The following RALGAPA2 variants were observed in gnomAD, a reference collection of about 807,000 sequenced individuals.
RALGAPA2 encodes Ral GTPase activating protein catalytic subunit alpha 2, also known as ral GTPase-activating protein subunit alpha-2.
A neutral mutation model predicts 230.4 loss-of-function variants in RALGAPA2; 139 were observed. The observed-to-expected ratio is 0.60, with a 90% CI of 0.53 to 0.69. The LOEUF is 0.69. Among genes scored for constraint, RALGAPA2 ranks in the 30% least tolerant of loss-of-function variants. RALGAPA2 has a pLI of 0.00. For synonymous variants in RALGAPA2, 847 were observed against 837.8 expected (o/e 1.01, Z -0.19); for missense variants, 2,163 against 2,276.0 (o/e 0.95, Z 1.01).
chr20:20,421,323 G>A (rs1190434334), intron 37 of RALGAPA2, among the ~76,000 whole-genome samples: 1 of 152,218 alleles, frequency 6.6e-6, no homozygotes, highest in Non-Finnish European at 1.5e-5. Flanking sequence ...CAGTGAGGAC[G>A]ATGAGAAGAT....
intron 1 of RALGAPA2, among the ~76,000 whole-genome samples, chr20:20,691,580 A>G (rs2068908475): frequency 1.3e-5 from 2 of 152,228 alleles, no homozygotes; most frequent in Non-Finnish European, 2.9e-5. Flanking sequence ...CATCCAGTCC[A>G]ATCAGGCTTT....
At chr20:20,700,645 G>A (rs776734016) in intron 1 of RALGAPA2, among the ~76,000 whole-genome samples, 3 of 152,146 alleles carry the variant, frequency 2.0e-5, no homozygotes, top group Non-Finnish European at 4.4e-5. Flanking sequence ...CAGCTCTCCA[G>A]CATTACTGCC....
At chr20:20,646,593 C>T (rs912334147) in intron 4 of RALGAPA2, among the ~76,000 whole-genome samples, 8 of 152,144 alleles carry the variant, frequency 5.3e-5, no homozygotes, top group African/African-American at 1.9e-4. Flanking sequence ...ACTTTTACTA[C>T]ATTTTAACCA....
chr20:20,615,921 CAA>C (rs778188704), intron 13 of RALGAPA2, 120 bp downstream of exon 13: 172 of 756,272 alleles, frequency 2.3e-4, no homozygotes, highest in Admixed American at 6.9e-4. Context: ...GAAACTGTTA[CAA>C]AAGACATTTT....
intron 20 of RALGAPA2, among the ~76,000 whole-genome samples, chr20:20,573,702 T>C (rs1218070320): frequency 6.6e-6 from 1 of 152,190 alleles, no homozygotes; most frequent in Non-Finnish European, 1.5e-5. Flanking sequence ...AATTCTACAG[T>C]TTGTAGCCTG....
chr20:20,665,328 C>A (rs1418176131), intron 3 of RALGAPA2, among the ~76,000 whole-genome samples: 1 of 152,176 alleles, frequency 6.6e-6, no homozygotes, highest in Non-Finnish European at 1.5e-5. Context: ...GTGTCAGTTA[C>A]CAACACATCA....
rs573539328 is a variant in RALGAPA2, at chr20:20,646,948, T to C, written c.329-3399A>G. The stretch of plus-strand genomic sequence containing the variant: ...ATTAAAGTAGCTTAAAAATGTAAAA[T>C]TGGATGTATTAAAACTCACAGCATT... On this transcript the variant is annotated intron_variant, in intron 4 of 39. Coordinates refer to ENST00000202677, the MANE Select transcript of RALGAPA2 (RefSeq NM_020343.4). Among the ~76,000 whole-genome samples, 3 of 151,984 alleles carry C rather than the reference T, an allele frequency of 2.0e-5. No individual in the cohort carries two copies. In the South Asian group the frequency reaches 6.2e-4, roughly 32 times the overall value.
intron 16 of RALGAPA2, among the ~76,000 whole-genome samples, chr20:20,597,907 A>G (rs2065510040): frequency 6.6e-6 from 1 of 152,190 alleles, no homozygotes; most frequent in Admixed American, 6.5e-5. Flanking sequence ...AATAAAAAAG[A>G]TCATGAAAAT....
intron 1 of RALGAPA2, among the ~76,000 whole-genome samples, chr20:20,692,969 G>A (rs1258695497): frequency 6.6e-6 from 1 of 152,200 alleles, no homozygotes; most frequent in African/African-American, 2.4e-5. Context: ...GCAGACAGCT[G>A]AAATAAAATT....
chr20:20,477,076 G>C lies in RALGAPA2; in HGVS notation c.5368-4120C>G, dbSNP rs1050658346. Among the ~76,000 whole-genome samples the C allele has an allele frequency of 2.6e-5, 4 of 152,192 alleles. No homozygotes were observed. In the East Asian group the frequency reaches 5.8e-4, roughly 22 times the overall value. The stretch of plus-strand genomic sequence containing the variant: ...CCACTTCTTCATTGTATTAGTGATT[G>C]AGATGGGGCACGAGCAAGAATTAGG... On this transcript the variant is annotated intron_variant, in intron 36 of 39. Coordinates refer to ENST00000202677, the MANE Select transcript of RALGAPA2 (RefSeq NM_020343.4).
intron 10 of RALGAPA2, among the ~76,000 whole-genome samples, chr20:20,625,382 C>T (rs1048090162): frequency 2.0e-5 from 3 of 152,140 alleles, no homozygotes; most frequent in African/African-American, 7.2e-5. Context: ...GCTTTCTCCT[C>T]TATAATTACA....
intron 3 of RALGAPA2, among the ~76,000 whole-genome samples, chr20:20,672,398 A>G (rs1463018805): frequency 2.0e-5 from 3 of 152,258 alleles, no homozygotes; most frequent in Non-Finnish European, 4.4e-5. Context: ...ATGAAATATT[A>G]CACAGTAAAT....
At chr20:20,529,790 T>C (rs1186734098) in intron 27 of RALGAPA2, among the ~76,000 whole-genome samples, 1 of 152,202 alleles carries the variant, frequency 6.6e-6, no homozygotes, top group Non-Finnish European at 1.5e-5. Context: ...GCGACACTCT[T>C]CTTAGAATGT....
At chr20:20,660,377 T>C (rs970872725) in intron 3 of RALGAPA2, among the ~76,000 whole-genome samples, 3 of 152,232 alleles carry the variant, frequency 2.0e-5, no homozygotes, top group Non-Finnish European at 2.9e-5. Context: ...AAAATTCTGG[T>C]TTCCTTAGCT....
intron 4 of RALGAPA2, among the ~76,000 whole-genome samples, chr20:20,648,998 C>T (rs188227004): frequency 2.6e-5 from 4 of 152,244 alleles, no homozygotes; most frequent in Admixed American, 6.5e-5. Context: ...AGGACCCCCC[C>T]AGAGGGCAAA....
At chr20:20,659,133 T>C (rs921211938) in intron 3 of RALGAPA2, among the ~76,000 whole-genome samples, 1 of 152,184 alleles carries the variant, frequency 6.6e-6, no homozygotes, top group African/African-American at 2.4e-5. Flanking sequence ...ATAATAAATA[T>C]GCAGAAAACT....
At chr20:20,447,713 AACT>A in intron 37 of RALGAPA2, among the ~76,000 whole-genome samples, 1 of 152,110 alleles carries the variant, frequency 6.6e-6, no homozygotes, top group Non-Finnish European at 1.5e-5. Flanking sequence ...TAAGGAGTGG[AACT>A]CATCTCACAA....
chr20:20,400,945 GATTTT>G (rs745350242), intron 38 of RALGAPA2, among the ~76,000 whole-genome samples: 8 of 152,184 alleles, frequency 5.3e-5, no homozygotes, highest in Non-Finnish European at 1.2e-4. Flanking sequence ...CATATGGGAT[GATTTT>G]ATTTATATGA....
chr20:20,656,044 G>A (rs2067579308), intron 3 of RALGAPA2, among the ~76,000 whole-genome samples: 1 of 152,206 alleles, frequency 6.6e-6, no homozygotes, highest in Admixed American at 6.5e-5. Context: ...ATGTGTAAAT[G>A]GGTCTGGAGT....
Sources: gnomAD v4.1 joint callset for allele counts (sites outside exome capture counted in the v4.1 genomes callset) on GRCh38, gnomAD v4.1.1 for gene constraint, MANE v1.5 for transcripts, NCBI Gene and HGNC (gene_info 2026-07-23, HGNC 2026-07-21) for gene names.